Variants in CDH12 observed in about 807,000 individuals in gnomAD.
CDH12 encodes cadherin-12.
Under a neutral mutation model 74.1 loss-of-function variants are expected in CDH12, and 41 were observed. The ratio of observed to expected loss-of-function variants is 0.55; its 90% CI spans 0.43 to 0.72. The LOEUF (loss-of-function observed/expected upper bound fraction) is 0.72. Ranked by LOEUF, CDH12 falls within the 30% of genes least tolerant of loss-of-function variation. The probability of loss-of-function intolerance (pLI) is 0.00; values close to 1 mark genes in which losing one functional copy is unlikely to be tolerated. For synonymous variants in CDH12, 399 were observed against 355.0 expected, an observed-to-expected ratio of 1.12 and a Z score of -1.39; for missense variants, 945 against 977.2, an observed-to-expected ratio of 0.97 and a Z score of 0.44.
At chr5:22,047,085 A>T (rs1740006429) in intron 5 of CDH12, among the ~76,000 whole-genome samples, 1 of 152,162 alleles carries the variant, frequency 6.6e-6, no homozygotes. Flanking sequence ...TTTCTGTTTG[A>T]TGTTGTCCAA....
At chr5:22,520,069 T>C (rs907960537) in intron 1 of CDH12, among the ~76,000 whole-genome samples, 2 of 152,144 alleles carry the variant, frequency 1.3e-5, no homozygotes, top group African/African-American at 4.8e-5. Context: ...ACATTTTATA[T>C]GTGAGATTTT....
At chr5:22,440,323 G>A (rs971658826) in intron 2 of CDH12, among the ~76,000 whole-genome samples, 7 of 152,000 alleles carry the variant, frequency 4.6e-5, no homozygotes, top group East Asian at 1.9e-4. Flanking sequence ...AGTACAAAAT[G>A]GTATATGTTT....
chr5:22,416,393 G>A (rs1743394381), intron 2 of CDH12, among the ~76,000 whole-genome samples: 1 of 152,042 alleles, frequency 6.6e-6, no homozygotes, highest in African/African-American at 2.4e-5. Flanking sequence ...TTGATAAGGT[G>A]ATTTTTCTGG....
chr5:22,264,217 A>C (rs1753625712), intron 3 of CDH12, among the ~76,000 whole-genome samples: 1 of 151,980 alleles, frequency 6.6e-6, no homozygotes, highest in Admixed American at 6.6e-5. Context: ...TTTTTACTGA[A>C]TACAACTATT....
At chr5:22,495,642 T>C (rs1481270646) in intron 2 of CDH12, among the ~76,000 whole-genome samples, 1 of 152,200 alleles carries the variant, frequency 6.6e-6, no homozygotes, top group Non-Finnish European at 1.5e-5. Flanking sequence ...CAGAAATAGA[T>C]ATTCATTTAA....
At chr5:22,762,774 A>G (rs1257546611) in intron 1 of CDH12, among the ~76,000 whole-genome samples, 1 of 152,078 alleles carries the variant, frequency 6.6e-6, no homozygotes, top group Non-Finnish European at 1.5e-5. Context: ...TTTCTGAGCA[A>G]ACATGTCTTG....
intron 6 of CDH12, among the ~76,000 whole-genome samples, chr5:21,889,051 T>C (rs1215445066): frequency 1.3e-5 from 2 of 152,110 alleles, no homozygotes; most frequent in African/African-American, 4.8e-5. Flanking sequence ...TGATTATATA[T>C]TTCTGATAGG....
chr5:21,820,913 A>G (rs1403512432), intron 8 of CDH12, among the ~76,000 whole-genome samples: 1 of 152,032 alleles, frequency 6.6e-6, no homozygotes, highest in African/African-American at 2.4e-5. Context: ...AAATTGAGAA[A>G]TAAAACAGGT....
At chr5:22,345,757 C>T (rs761393836) in intron 3 of CDH12, among the ~76,000 whole-genome samples, 1 of 152,022 alleles carries the variant, frequency 6.6e-6, no homozygotes, top group Non-Finnish European at 1.5e-5. Context: ...TCAAGATACG[C>T]TATGTACAAC....
intron 1 of CDH12, among the ~76,000 whole-genome samples, chr5:22,568,647 G>A (rs1739402101): frequency 6.6e-6 from 1 of 152,076 alleles, no homozygotes; most frequent in South Asian, 2.1e-4. Flanking sequence ...ACTGGGTCTT[G>A]GTAAACAAAA....
At chr5:22,318,487 G>A (rs1580517967) in intron 3 of CDH12, among the ~76,000 whole-genome samples, 1 of 152,162 alleles carries the variant, frequency 6.6e-6, no homozygotes, top group African/African-American at 2.4e-5. Flanking sequence ...TTCCCTATAT[G>A]AGTATCATTT....
At chr5:22,315,883 G>C (rs933173355) in intron 3 of CDH12, among the ~76,000 whole-genome samples, 4 of 152,116 alleles carry the variant, frequency 2.6e-5, no homozygotes, top group African/African-American at 7.2e-5. Context: ...TTTTGAAATG[G>C]AAATTAGGAG....
Position 22,169,650 on chromosome 5 carries a change from T to C in CDH12, c.-187+42848A>G, listed in dbSNP as rs544776331. Among the ~76,000 whole-genome samples, 290 of 150,950 alleles carry C rather than the reference T, an allele frequency of 1.9e-3. 1 individual carries two copies. Among genetic ancestry groups the C allele is most frequent in the African/African-American group, 7.0e-3 (287 of 41,278 alleles). On this transcript the variant is annotated intron_variant, in intron 4 of 14. Transcript: ENST00000382254. The stretch of plus-strand genomic sequence containing the variant: ...TTTCAGGGCTGAATCTATGGCTACA[T>C]TTTATCATGCAAGGGGAAAGAGAGA...
intron 5 of CDH12, among the ~76,000 whole-genome samples, chr5:22,059,464 T>C (rs891204535): frequency 1.3e-5 from 2 of 152,130 alleles, no homozygotes; most frequent in African/African-American, 2.4e-5. Flanking sequence ...TGAAATGTAT[T>C]TGTGAAAGTA....
At chr5:21,847,196 A>C (rs1347481185) in intron 7 of CDH12, among the ~76,000 whole-genome samples, 1 of 151,938 alleles carries the variant, frequency 6.6e-6, no homozygotes, top group African/African-American at 2.4e-5. Context: ...TCCCTCATTC[A>C]CTGCAGCCTT....
chr5:21,816,885 AT>A lies in CDH12; in HGVS notation c.1002+59del, dbSNP rs549450537. The A allele has an allele frequency of 9.1e-5, 103 of 1,129,272 alleles. 1 individual carries two copies. In the East Asian group the frequency reaches 2.4e-3, roughly 26 times the overall value. 70.0% of individuals were successfully genotyped at this position (1,129,272 alleles called of 1,614,324 possible). Reference sequence around the variant, plus strand: ...AAATTACTTGTCATTTTCAATATTTATTTTTTATCTTCTTTAATTATTATTT... The same window carrying A: ...AAATTACTTGTCATTTTCAATATTTATTTTTATCTTCTTTAATTATTATTT... On this transcript the variant is annotated intron_variant, in intron 9 of 14. Transcript: ENST00000382254.
At chr5:22,021,129 A>C (rs1737946226) in intron 5 of CDH12, among the ~76,000 whole-genome samples, 1 of 152,206 alleles carries the variant, frequency 6.6e-6, no homozygotes, top group Non-Finnish European at 1.5e-5. Context: ...AAGACTAAAC[A>C]CAATATTTAT....
At chr5:22,425,368 A>G (rs1001859270) in intron 2 of CDH12, among the ~76,000 whole-genome samples, 1 of 151,122 alleles carries the variant, frequency 6.6e-6, no homozygotes, top group African/African-American at 2.4e-5. Flanking sequence ...ATAGTGTGTC[A>G]ACGAGTGTAC....
intron 5 of CDH12, among the ~76,000 whole-genome samples, chr5:22,025,536 G>A (rs1036828235): frequency 6.6e-6 from 1 of 152,136 alleles, no homozygotes; most frequent in African/African-American, 2.4e-5. Context: ...GATGTTGATG[G>A]TTGTTAACTG....
Sources: gnomAD v4.1 joint callset for allele counts (sites outside exome capture counted in the v4.1 genomes callset) on GRCh38, gnomAD v4.1.1 for gene constraint, MANE v1.5 for transcripts, NCBI Gene and HGNC (gene_info 2026-07-23, HGNC 2026-07-21) for gene names.